MAD1L1: variants seen among roughly 807,000 people sequenced by gnomAD.
MAD1L1 encodes mitotic arrest deficient 1 like 1, also known as mitotic spindle assembly checkpoint protein MAD1.
In MAD1L1, 95 loss-of-function variants were observed where a neutral mutation model predicts 96.9. The observed-to-expected ratio is 0.98, with a 90% CI of 0.83 to 1.16. The LOEUF (loss-of-function observed/expected upper bound fraction) is 1.16, where lower values mean the gene tolerates loss of function less well. MAD1L1 is among the 50% of genes most tolerant of loss of function. The pLI is 0.00. For synonymous variants in MAD1L1, 473 were observed against 396.6 expected (o/e 1.19, Z -2.29); for missense variants, 1,007 against 954.4 (o/e 1.06, Z -0.73).
intron 14 of MAD1L1, among the ~76,000 whole-genome samples, chr7:1,981,319 GGCA>G (rs1333912476): frequency 6.6e-6 from 1 of 152,168 alleles, no homozygotes; most frequent in Non-Finnish European, 1.5e-5. Flanking sequence ...AGGCATCAGG[GGCA>G]GCAGACGGTG....
chr7:1,961,797 C>T (rs758663466), intron 15 of MAD1L1, among the ~76,000 whole-genome samples: 16 of 151,890 alleles, frequency 1.1e-4, no homozygotes, highest in Non-Finnish European at 1.9e-4. Flanking sequence ...ATACCATTCT[C>T]GTGTGTTGTG....
intron 4 of MAD1L1, 73 bp downstream of exon 4, chr7:2,225,337 C>T: frequency 6.5e-7 from 1 of 1,540,788 alleles, no homozygotes; most frequent in Non-Finnish European, 8.9e-7. Context: ...TTCTTATAAC[C>T]TGGCAGGTAC....
At chr7:2,069,050 G>T in intron 12 of MAD1L1, 144 bp downstream of exon 12, 1 of 1,104,930 alleles carries the variant, frequency 9.1e-7, no homozygotes, top group Non-Finnish European at 1.2e-6. Flanking sequence ...GGCATTCCCA[G>T]AACCCTCCTG....
chr7:1,915,645 G>A (rs1302962029), intron 17 of MAD1L1, among the ~76,000 whole-genome samples: 12 of 152,238 alleles, frequency 7.9e-5, no homozygotes, highest in Non-Finnish European at 1.8e-4. Context: ...CGGCACAGAA[G>A]ACAGCCAGGA....
chr7:1,909,430 ATT>A (rs1787872832), intron 17 of MAD1L1, among the ~76,000 whole-genome samples: 1 of 152,216 alleles, frequency 6.6e-6, no homozygotes, highest in African/African-American at 2.4e-5. Context: ...GGCATCAAAT[ATT>A]GATGCAATTT....
chr7:1,941,116 C>A (rs2128466738), intron 16 of MAD1L1, among the ~76,000 whole-genome samples: 1 of 151,166 alleles, frequency 6.6e-6, no homozygotes, highest in Middle Eastern at 3.4e-3. Context: ...GCCCCAGCAT[C>A]CTCCTACTTA....
At chr7:1,920,368 G>A (rs1788706966) in intron 17 of MAD1L1, among the ~76,000 whole-genome samples, 1 of 152,260 alleles carries the variant, frequency 6.6e-6, no homozygotes, top group African/African-American at 2.4e-5. Context: ...GTGTGTGGGA[G>A]GAGCAGGGGC....
intron 15 of MAD1L1, among the ~76,000 whole-genome samples, chr7:1,966,551 CA>C (rs1280629601): frequency 1.1e-5 from 1 of 88,782 alleles, no homozygotes; most frequent in Non-Finnish European, 2.1e-5. Context: ...TGAAATATCC[CA>C]AACTTGGCAA....
intron 10 of MAD1L1, among the ~76,000 whole-genome samples, chr7:2,152,939 A>G (rs1275000704): frequency 1.3e-5 from 2 of 152,154 alleles, no homozygotes; most frequent in East Asian, 1.9e-4. Context: ...TTCAAGTACA[A>G]TCATCAACCA....
At chr7:1,969,061 A>C (rs949672302) in intron 15 of MAD1L1, among the ~76,000 whole-genome samples, 14 of 152,212 alleles carry the variant, frequency 9.2e-5, no homozygotes, top group Admixed American at 2.0e-4. Flanking sequence ...TGAATCTGGT[A>C]AACAGTGTGG....
chr7:2,165,969 G>A lies in MAD1L1; in HGVS notation c.987-16731C>T, dbSNP rs369921687. ...GTTACTGTGGGTCCACATGCTCTGC[G>A]AAAGAGGAAGTAAGTCCTGGGGTCC... On this transcript the variant is annotated intron_variant, in intron 10 of 18. Coordinates refer to ENST00000265854, the MANE Select transcript of MAD1L1 (RefSeq NM_001013836.2). Among the ~76,000 whole-genome samples the A allele has an allele frequency of 3.7e-4, 56 of 152,320 alleles. No individual in the cohort carries two copies. In the South Asian group the frequency reaches 8.7e-3, roughly 24 times the overall value.
intron 18 of MAD1L1, among the ~76,000 whole-genome samples, chr7:1,884,033 G>T (rs185554918): frequency 6.6e-6 from 1 of 151,634 alleles, no homozygotes; most frequent in Admixed American, 6.6e-5. Context: ...GCATCTGACC[G>T]CTCCATCCTC....
At chr7:2,053,273 G>T (rs557151924) in intron 12 of MAD1L1, among the ~76,000 whole-genome samples, 3 of 152,180 alleles carry the variant, frequency 2.0e-5, no homozygotes, top group Non-Finnish European at 2.9e-5. Flanking sequence ...CCATGCAGAC[G>T]GTGAGGCTGG....
At chr7:1,999,489 G>A (rs1055615035) in intron 14 of MAD1L1, among the ~76,000 whole-genome samples, 3 of 152,144 alleles carry the variant, frequency 2.0e-5, no homozygotes, top group African/African-American at 7.2e-5. Flanking sequence ...GCACCTGAGC[G>A]TGGCAGACAG....
rs541387529 is a variant in MAD1L1 at position 1,986,072 on chromosome 7, G to A, written c.1417-5531C>T. ...ACCTTTACTGCTCACTGCTGAAGAT[G>A]AGTTTTATTGAATCCGGCTCCGTGC... On this transcript the variant is annotated intron_variant, in intron 14 of 18. Coordinates refer to ENST00000265854, the MANE Select transcript of MAD1L1 (RefSeq NM_001013836.2). Among the ~76,000 whole-genome samples the A allele has an allele frequency of 8.5e-5, 13 of 152,298 alleles. No individual in the cohort carries two copies. In the South Asian group the frequency reaches 2.7e-3, roughly 32 times the overall value.
At chr7:1,828,804 T>C (rs1409691716) in intron 18 of MAD1L1, among the ~76,000 whole-genome samples, 5 of 152,130 alleles carry the variant, frequency 3.3e-5, no homozygotes, top group African/African-American at 1.2e-4. Flanking sequence ...AGGGCTGACC[T>C]GACGTCAGAA....
At chr7:2,210,416 GTATT>G (rs2114980427) in intron 10 of MAD1L1, among the ~76,000 whole-genome samples, 1 of 134,118 alleles carries the variant, frequency 7.5e-6, no homozygotes, top group East Asian at 2.0e-4. Flanking sequence ...TCTAGGAGCC[GTATT>G]CGGGACCGCC....
chr7:1,966,172 C>T (rs1020963513), intron 15 of MAD1L1, among the ~76,000 whole-genome samples: 3 of 152,232 alleles, frequency 2.0e-5, no homozygotes, highest in African/African-American at 4.8e-5. Context: ...GGATGGGAAC[C>T]GCGCCCCACA....
chr7:1,948,079 A>T (rs1284138986), intron 16 of MAD1L1, among the ~76,000 whole-genome samples: 1 of 152,074 alleles, frequency 6.6e-6, no homozygotes, highest in Non-Finnish European at 1.5e-5. Flanking sequence ...CTTTCTGCAG[A>T]GCTGAGTGCT....
Sources: gnomAD v4.1 joint callset for allele counts (sites outside exome capture counted in the v4.1 genomes callset) on GRCh38, gnomAD v4.1.1 for gene constraint, MANE v1.5 for transcripts, NCBI Gene and HGNC (gene_info 2026-07-23, HGNC 2026-07-21) for gene names.